The following UBASH3B variants were observed in gnomAD, a reference collection of about 807,000 sequenced individuals.
UBASH3B encodes the protein ubiquitin associated and SH3 domain containing B.
A neutral mutation model predicts 83.4 loss-of-function variants in UBASH3B; 37 were observed. That is an observed-to-expected ratio of 0.44 (90% confidence interval 0.34 to 0.58). The LOEUF (loss-of-function observed/expected upper bound fraction) is 0.58. UBASH3B is among the 20% of genes least tolerant of loss of function. The pLI is 0.01. For missense variants in UBASH3B, 657 were observed against 827.2 expected, an observed-to-expected ratio of 0.79 and a Z score of 2.52; for synonymous variants, 304 against 318.3, an observed-to-expected ratio of 0.96 and a Z score of 0.48.
intron 5 of UBASH3B, among the ~76,000 whole-genome samples, 187 bp from the exon 6 acceptor site, chr11:122,788,908 TCAATA>T (rs1260580761): frequency 1.3e-5 from 2 of 152,198 alleles, no homozygotes; most frequent in Admixed American, 6.5e-5. Context: ...GCATACACCG[TCAATA>T]CCCTGAAGAG....
intron 1 of UBASH3B, among the ~76,000 whole-genome samples, chr11:122,665,563 C>A (rs1047404164): frequency 6.6e-6 from 1 of 152,148 alleles, no homozygotes; most frequent in South Asian, 2.1e-4. Flanking sequence ...TGTTCCAGAG[C>A]ATTTGGCTTT....
chr11:122,692,602 AAGACAGTTTGC>A (rs1245732202), intron 1 of UBASH3B, among the ~76,000 whole-genome samples: 1 of 152,238 alleles, frequency 6.6e-6, no homozygotes, highest in Non-Finnish European at 1.5e-5. Context: ...AGGAATGTGG[AAGACAGTTTGC>A]ATACTGCCGA....
intron 1 of UBASH3B, among the ~76,000 whole-genome samples, chr11:122,707,468 A>G (rs770767126): frequency 1.3e-5 from 2 of 152,200 alleles, no homozygotes; most frequent in Non-Finnish European, 2.9e-5. Context: ...AGCACTTGCC[A>G]TGATAAAAGA....
chr11:122,725,342 A>AAAAAAAAAAAAAAAAAAAGAGAG (rs71281633), intron 1 of UBASH3B, among the ~76,000 whole-genome samples: 4 of 130,778 alleles, frequency 3.1e-5, no homozygotes, highest in Non-Finnish European at 6.5e-5. Flanking sequence ...AAAAAAAAAA[A>AAAAAAAAAAAAAAAAAAAGAGAG]AAGAAAAGAA....
At chr11:122,702,952 TTTG>T (rs1864063020) in intron 1 of UBASH3B, among the ~76,000 whole-genome samples, 1 of 152,214 alleles carries the variant, frequency 6.6e-6, no homozygotes, top group African/African-American at 2.4e-5. Flanking sequence ...TCACTCATCA[TTTG>T]TTTTCTCATT....
intron 1 of UBASH3B, among the ~76,000 whole-genome samples, chr11:122,744,234 G>C (rs1169127572): frequency 6.6e-6 from 1 of 152,192 alleles, no homozygotes; most frequent in Non-Finnish European, 1.5e-5. Flanking sequence ...GTGTGTCTGG[G>C]TGTGTGAGGT....
intron 1 of UBASH3B, among the ~76,000 whole-genome samples, chr11:122,712,886 T>G (rs904484446): frequency 8.7e-5 from 13 of 148,934 alleles, no homozygotes; most frequent in Non-Finnish European, 1.8e-4. Flanking sequence ...TCATCTTTCT[T>G]CTCTGGGTGG....
chr11:122,763,843 T>A (rs1860487296), intron 1 of UBASH3B, among the ~76,000 whole-genome samples: 1 of 152,224 alleles, frequency 6.6e-6, no homozygotes, highest in Admixed American at 6.5e-5. Flanking sequence ...GACAGGCTTC[T>A]CTACTGCCCT....
chr11:122,727,573 T>C (rs973957545), intron 1 of UBASH3B: 2 of 152,124 alleles, frequency 1.3e-5, no homozygotes, highest in African/African-American at 2.4e-5. Context: ...CGTGGAGGCC[T>C]CCGAGATGGG....
At chr11:122,663,322 C>T (rs545771078) in intron 1 of UBASH3B, among the ~76,000 whole-genome samples, 41 of 152,260 alleles carry the variant, frequency 2.7e-4, no homozygotes, top group African/African-American at 9.6e-4. Flanking sequence ...AGACCATGTT[C>T]GAGCTTACAA....
At position 122,801,179 on chromosome 11, in the gene UBASH3B, A is replaced by G. The variant is rs750095150; in HGVS notation, c.1451-9A>G. 6.8e-6 allele frequency: 11 copies of G among 1,613,272 alleles called. No homozygotes were observed. In the African/African-American group the frequency reaches 9.3e-5, roughly 14 times the overall value. The stretch of plus-strand genomic sequence containing the variant: ...ACTTTCTTCATCTTCACTGTATTTT[A>G]CCCCTAAGGTTTACAACAAGAAAAT... On this transcript the variant is annotated splice_polypyrimidine_tract_variant and intron_variant, in intron 10 of 13. Transcript: ENST00000284273.
At chr11:122,722,233 G>T (rs976255347) in intron 1 of UBASH3B, among the ~76,000 whole-genome samples, 3 of 152,160 alleles carry the variant, frequency 2.0e-5, no homozygotes, top group Admixed American at 2.0e-4. Flanking sequence ...CTAGAGCTCC[G>T]CCCTCATGCT....
intron 6 of UBASH3B, among the ~76,000 whole-genome samples, chr11:122,792,029 G>C (rs11218813): frequency 0.14 from 21,033 of 152,144 alleles, 1,514 homozygotes; most frequent in Admixed American, 0.23. Context: ...CCACTGTTCT[G>C]AGCAAGAAGC....
chr11:122,783,448 C>T (rs1860893210), intron 5 of UBASH3B, among the ~76,000 whole-genome samples: 1 of 151,964 alleles, frequency 6.6e-6, no homozygotes, highest in Admixed American at 6.6e-5. Context: ...GGGTAACATC[C>T]CCCTAGTTCT....
At chr11:122,683,812 G>A (rs1301438266) in intron 1 of UBASH3B, among the ~76,000 whole-genome samples, 1 of 150,736 alleles carries the variant, frequency 6.6e-6, no homozygotes, top group Non-Finnish European at 1.5e-5. Flanking sequence ...ACTTGAGATG[G>A]AGGGTTGTGT....
chr11:122,718,422 G>T (rs1180697998), intron 1 of UBASH3B, among the ~76,000 whole-genome samples: 3 of 152,182 alleles, frequency 2.0e-5, no homozygotes, highest in Admixed American at 6.5e-5. Flanking sequence ...ACTTGTGAAA[G>T]GATGTGGAGT....
Position 122,758,679 on chromosome 11 carries a change from A to T in UBASH3B, c.162-17540A>T, listed in dbSNP as rs200672581. Among the ~76,000 whole-genome samples, 1 of 151,032 alleles carries T rather than the reference A, an allele frequency of 6.6e-6. No homozygotes were observed. The highest frequency in any genetic ancestry group is 1.5e-5 in the Non-Finnish European group (1 of 67,176). On this transcript the variant is annotated intron_variant, in intron 1 of 13. Coordinates refer to ENST00000284273, the MANE Select transcript of UBASH3B (RefSeq NM_032873.5). The surrounding 1 kb of genome is among the most constrained non-coding windows in gnomAD (Gnocchi z 4.2). Reference sequence around the variant, plus strand: ...GGTCTGTGCGATTATAAGTAGATGCACCTGCCACTCCACGCCACTCTACTC... The same window carrying T: ...GGTCTGTGCGATTATAAGTAGATGCTCCTGCCACTCCACGCCACTCTACTC...
At chr11:122,737,965 C>T (rs1860961377) in intron 1 of UBASH3B, among the ~76,000 whole-genome samples, 1 of 152,066 alleles carries the variant, frequency 6.6e-6, no homozygotes, top group Non-Finnish European at 1.5e-5. Flanking sequence ...AATTAAAGTG[C>T]CTGTAGAGAA....
In UBASH3B at chr11:122,811,083, CCA is replaced by C. The variant is rs1446731310; in HGVS notation, c.*1200_*1201del. On this transcript the variant is annotated 3_prime_UTR_variant, in exon 14 of 14. Coordinates refer to ENST00000284273, the MANE Select transcript of UBASH3B (RefSeq NM_032873.5). ...AGGGCTACTGAGGAAATTTGGAGAG[CCA>C]CATTCTGTGGTTTCTCATTATACTT... 2 of 152,562 alleles carry C rather than the reference CCA, an allele frequency of 1.3e-5. No homozygotes were observed. Among genetic ancestry groups the C allele is most frequent in the Non-Finnish European group, 2.9e-5 (2 of 68,030 alleles). The allele number at this position is 152,562 out of a possible 1,614,324, so 9.5% of individuals were successfully genotyped here.
Sources: gnomAD v4.1 joint callset for allele counts (sites outside exome capture counted in the v4.1 genomes callset) on GRCh38, gnomAD v4.1.1 for gene constraint, Gnocchi (gnomAD v3.1) non-coding constraint, MANE v1.5 for transcripts, NCBI Gene and HGNC (gene_info 2026-07-23, HGNC 2026-07-21) for gene names.